Variants in CNST observed in about 807,000 individuals in gnomAD.
The protein encoded by CNST is consortin, connexin sorting protein, also known as consortin.
Under a neutral mutation model 72.4 loss-of-function variants are expected in CNST, and 39 were observed. The observed-to-expected ratio is 0.54, with a 90% CI of 0.42 to 0.70. The LOEUF is 0.70. Ranked by LOEUF, CNST falls within the 30% of genes least tolerant of loss-of-function variation. The pLI, the probability that CNST is intolerant of heterozygous loss-of-function variation, is 0.00. For synonymous variants in CNST, 332 were observed against 320.1 expected (o/e 1.04, Z -0.40); for missense variants, 871 against 868.5 (o/e 1.00, Z -0.04).
At chr1:246,624,283 A>G (rs1322277644) in intron 3 of CNST, among the ~76,000 whole-genome samples, 1 of 152,210 alleles carries the variant, frequency 6.6e-6, no homozygotes, top group Non-Finnish European at 1.5e-5. Flanking sequence ...AGTGGATTGC[A>G]CGGCAATCTT....
intron 1 of CNST, among the ~76,000 whole-genome samples, chr1:246,590,907 T>C (rs1446091375): frequency 1.3e-5 from 2 of 150,756 alleles, no homozygotes; most frequent in African/African-American, 4.9e-5. Flanking sequence ...ATGACAACTC[T>C]AAGGTACCTT....
At chr1:246,627,341 C>T (rs1323693280) in intron 3 of CNST, among the ~76,000 whole-genome samples, 3 of 152,228 alleles carry the variant, frequency 2.0e-5, no homozygotes, top group Non-Finnish European at 4.4e-5. Flanking sequence ...TTCTCCTTAA[C>T]TCACTCCTTT....
intron 10 of CNST, among the ~76,000 whole-genome samples, chr1:246,664,648 G>T (rs182955172): frequency 2.0e-5 from 3 of 151,472 alleles, no homozygotes; most frequent in East Asian, 3.9e-4. Flanking sequence ...GGATGGTCTC[G>T]ATCTCCTGAC....
intron 2 of CNST, among the ~76,000 whole-genome samples, chr1:246,600,100 T>C (rs1662169473): frequency 6.6e-6 from 1 of 152,088 alleles, no homozygotes; most frequent in South Asian, 2.1e-4. Context: ...GTAAAAGCAA[T>C]GCGGACAAAG....
At chr1:246,646,139 G>A (rs1021194904) in intron 8 of CNST, among the ~76,000 whole-genome samples, 1 of 151,456 alleles carries the variant, frequency 6.6e-6, no homozygotes, top group East Asian at 2.0e-4. Flanking sequence ...AATTAGCTGG[G>A]CAAGGTGGCG....
chr1:246,653,129 A>T (rs139704091), intron 9 of CNST, among the ~76,000 whole-genome samples: 10 of 152,308 alleles, frequency 6.6e-5, no homozygotes, highest in African/African-American at 2.4e-4. Flanking sequence ...AGCAAAATAC[A>T]GGGGAGGACA....
intron 3 of CNST, among the ~76,000 whole-genome samples, chr1:246,631,354 A>G (rs1234340158): frequency 6.6e-6 from 1 of 152,198 alleles, no homozygotes; most frequent in East Asian, 1.9e-4. Context: ...TAACTATCAG[A>G]CCAGACCAAA....
intron 2 of CNST, among the ~76,000 whole-genome samples, chr1:246,601,296 C>G (rs1558545833): frequency 6.6e-6 from 1 of 152,020 alleles, no homozygotes; most frequent in African/African-American, 2.4e-5. Flanking sequence ...GAATGAGACT[C>G]TTGTCTCAAA....
At chr1:246,586,350 AATAAG>A (rs143307870) in intron 1 of CNST, among the ~76,000 whole-genome samples, 419 of 147,908 alleles carry the variant, frequency 2.8e-3, no homozygotes, top group Non-Finnish European at 5.1e-3. Flanking sequence ...ATATGAGATA[AATAAG>A]ATACATAGAT....
At chr1:246,600,040 C>G (rs1031542221) in intron 2 of CNST, among the ~76,000 whole-genome samples, 4 of 152,074 alleles carry the variant, frequency 2.6e-5, no homozygotes, top group African/African-American at 9.7e-5. Context: ...AGAAGGTTGT[C>G]AGGAGGAGTT....
At chr1:246,617,458 T>G (rs1663783535) in intron 2 of CNST, among the ~76,000 whole-genome samples, 1 of 152,216 alleles carries the variant, frequency 6.6e-6, no homozygotes, top group South Asian at 2.1e-4. Context: ...GTGACCTTTT[T>G]CAGTTAAGTG....
chr1:246,614,790 C>G (rs1043896163), intron 2 of CNST, among the ~76,000 whole-genome samples: 1 of 151,930 alleles, frequency 6.6e-6, no homozygotes, highest in Admixed American at 6.6e-5. Context: ...ATTTTTTATT[C>G]TCTTAATTAC....
chr1:246,579,716 C>G (rs1660664418), intron 1 of CNST, among the ~76,000 whole-genome samples: 2 of 152,172 alleles, frequency 1.3e-5, no homozygotes, highest in African/African-American at 4.8e-5. Flanking sequence ...GATTGCCCCA[C>G]TGCACTCCAG....
chr1:246,644,353 C>T lies in CNST; in HGVS notation c.937+2316C>T, dbSNP rs557317556. 5.7e-5 allele frequency among the ~76,000 whole-genome samples: 8 copies of T among 139,394 alleles called. No homozygotes were observed. The East Asian group carries it at 1.3e-3, about 23-fold the overall frequency. The allele number at this position is 139,394 out of a possible 152,430, so 91.4% of individuals were successfully genotyped here. A position where few individuals can be genotyped will look rare whatever the true frequency, so the allele number is the denominator to read the frequency against. On this transcript the variant is annotated intron_variant, in intron 8 of 10. Transcript: ENST00000366513. ...GCAGTGAGCTGAGATGGCGCCACTG[C>T]GCTCCGCCTGGGCGACAGAGCGAGA...
chr1:246,618,620 T>G (rs1435427627), intron 2 of CNST, among the ~76,000 whole-genome samples: 1 of 152,234 alleles, frequency 6.6e-6, no homozygotes, highest in African/African-American at 2.4e-5. Context: ...CTGCTGCTCT[T>G]GGAATCCTTA....
At chr1:246,626,498 C>G (rs924496515) in intron 3 of CNST, among the ~76,000 whole-genome samples, 2 of 127,496 alleles carry the variant, frequency 1.6e-5, no homozygotes, top group African/African-American at 6.0e-5. Context: ...CACTGTGTCG[C>G]CCAGGCTGGA....
At chr1:246,635,153 GC>G (rs1423935523) in intron 6 of CNST, among the ~76,000 whole-genome samples, 2 of 152,116 alleles carry the variant, frequency 1.3e-5, no homozygotes, top group African/African-American at 4.8e-5. Context: ...GGGAAAAGGG[GC>G]AACTTTCTCC....
Position 246,585,676 on chromosome 1 carries a change from C to T in CNST, c.-51-5836C>T, listed in dbSNP as rs1246260319. 1.0e-3 allele frequency among the ~76,000 whole-genome samples: 109 copies of T among 108,114 alleles called. 5 individuals are homozygous for T. Among genetic ancestry groups the T allele is most frequent in the African/African-American group, 6.7e-3 (104 of 15,440 alleles). 70.9% of individuals were successfully genotyped at this position (108,114 alleles called of 152,430 possible). ...AAAAAAAAAAAAATATACACACACA[C>T]ACACACACACACACACACACACACA... On this transcript the variant is annotated intron_variant, in intron 1 of 10. Transcript: ENST00000366513.
intron 4 of CNST, 73 bp downstream of exon 4, chr1:246,631,997 A>G (rs1055845620): frequency 3.4e-6 from 3 of 888,642 alleles, no homozygotes; most frequent in African/African-American, 3.4e-5. Flanking sequence ...TAATTGAAGT[A>G]TATTTTACAT....
Sources: allele counts gnomAD v4.1 joint callset (sites outside exome capture counted in the v4.1 genomes callset), GRCh38; gene constraint gnomAD v4.1.1; transcripts MANE v1.5; gene names NCBI Gene and HGNC (gene_info 2026-07-23, HGNC 2026-07-21).